Variants in ITGA8 observed in about 807,000 individuals in gnomAD.
ITGA8 encodes integrin subunit alpha 8.
ITGA8 carries 91 observed loss-of-function variants against 142.3 expected under a neutral mutation model. The ratio of observed to expected loss-of-function variants is 0.64; its 90% CI spans 0.54 to 0.76. The LOEUF (loss-of-function observed/expected upper bound fraction) is 0.76, where lower values mean the gene tolerates loss of function less well. Among genes scored for constraint, ITGA8 ranks in the 30% least tolerant of loss-of-function variants. ITGA8 has a pLI of 0.00. For synonymous variants in ITGA8, 505 were observed against 485.2 expected, an observed-to-expected ratio of 1.04 and a Z score of -0.54; for missense variants, 1,406 against 1,327.7, an observed-to-expected ratio of 1.06 and a Z score of -0.92.
At chr10:15,646,515 T>TA (rs1833983137) in intron 12 of ITGA8, among the ~76,000 whole-genome samples, 1 of 152,212 alleles carries the variant, frequency 6.6e-6, no homozygotes, top group South Asian at 2.1e-4. Flanking sequence ...ATGTTTCTGA[T>TA]AACCGAATGT....
At chr10:15,592,667 C>G (rs9333172) in intron 21 of ITGA8, among the ~76,000 whole-genome samples, 1 of 152,182 alleles carries the variant, frequency 6.6e-6, no homozygotes. Flanking sequence ...TGCATTAGTG[C>G]GAGCATGGCT....
At chr10:15,550,198 T>C (rs376345776) in intron 26 of ITGA8, among the ~76,000 whole-genome samples, 7 of 152,204 alleles carry the variant, frequency 4.6e-5, no homozygotes, top group Non-Finnish European at 7.3e-5. Context: ...AGATGTGCCT[T>C]CTGCCTTTCA....
At chr10:15,706,866 A>G (rs561785410) in intron 2 of ITGA8, among the ~76,000 whole-genome samples, 39 of 152,314 alleles carry the variant, frequency 2.6e-4, no homozygotes, top group African/African-American at 8.4e-4. Flanking sequence ...ATACTATACC[A>G]TCTTGCTTAT....
chr10:15,572,838 C>G (rs529490533), intron 24 of ITGA8, among the ~76,000 whole-genome samples: 1 of 152,254 alleles, frequency 6.6e-6, no homozygotes, highest in African/African-American at 2.4e-5. Context: ...CATCAAGTGC[C>G]AAGGCGGGCC....
chr10:15,672,099 C>T lies in ITGA8; in HGVS notation c.803-452G>A, dbSNP rs142488488. Among the ~76,000 whole-genome samples, 6 of 152,236 alleles carry T rather than the reference C, an allele frequency of 3.9e-5. No individual in the cohort carries two copies. The East Asian group carries it at 9.7e-4, about 25-fold the overall frequency. Reference sequence around the variant, plus strand: ...CTTCCTAATACCTCATGATGGTTTTCCACAATTTAGTTTAGCTCTAAAGTG... The same window carrying T: ...CTTCCTAATACCTCATGATGGTTTTTCACAATTTAGTTTAGCTCTAAAGTG... On this transcript the variant is annotated intron_variant, in intron 7 of 29. Coordinates refer to ENST00000378076, the MANE Select transcript of ITGA8 (RefSeq NM_003638.3).
chr10:15,560,518 T>G (rs1564351818), intron 25 of ITGA8, among the ~76,000 whole-genome samples: 1 of 152,348 alleles, frequency 6.6e-6, no homozygotes, highest in Non-Finnish European at 1.5e-5. Context: ...TATTGATGTT[T>G]GTAGCAACAC....
intron 28 of ITGA8, among the ~76,000 whole-genome samples, chr10:15,522,268 T>C (rs968429058): frequency 6.6e-6 from 1 of 152,228 alleles, no homozygotes; most frequent in African/African-American, 2.4e-5. Context: ...TACAGCTACA[T>C]GAGCAAATCA....
At position 15,571,138 on chromosome 10, in the gene ITGA8, G is replaced by A. The variant is rs111361300; in HGVS notation, c.2637+1073C>T. On this transcript the variant is annotated intron_variant, in intron 25 of 29. Transcript: ENST00000378076. Reference sequence around the variant, plus strand: ...CCTTATGTATAATTTCTACATAAAGGAGGAGGCTGTTGTCTCATAAGTCCT... The same window carrying A: ...CCTTATGTATAATTTCTACATAAAGAAGGAGGCTGTTGTCTCATAAGTCCT... Among the ~76,000 whole-genome samples the A allele has an allele frequency of 4.2e-3, 642 of 152,254 alleles. 5 individuals are homozygous for A. Among genetic ancestry groups the A allele is most frequent in the African/African-American group, 0.014 (597 of 41,552 alleles).
chr10:15,585,442 G>GC (rs1437383435), intron 23 of ITGA8, among the ~76,000 whole-genome samples: 1 of 152,154 alleles, frequency 6.6e-6, no homozygotes, highest in African/African-American at 2.4e-5. Flanking sequence ...GCTAGGGGGC[G>GC]CCCCAGCGGC....
intron 27 of ITGA8, among the ~76,000 whole-genome samples, chr10:15,538,462 A>C (rs937226200): frequency 6.8e-6 from 1 of 145,986 alleles, no homozygotes; most frequent in African/African-American, 2.5e-5. Flanking sequence ...CAGTGAGCTG[A>C]GATCATGCCA....
intron 22 of ITGA8, among the ~76,000 whole-genome samples, chr10:15,589,888 G>C (rs1165215795): frequency 6.6e-6 from 1 of 151,334 alleles, no homozygotes; most frequent in African/African-American, 2.4e-5. Context: ...TCAGCCTCCA[G>C]AGAAGCTGGG....
At chr10:15,581,446 T>C (rs1387768766) in intron 23 of ITGA8, among the ~76,000 whole-genome samples, 1 of 152,220 alleles carries the variant, frequency 6.6e-6, no homozygotes, top group African/African-American at 2.4e-5. Flanking sequence ...TTAATGTCTC[T>C]TCTCCCTGTA....
In ITGA8 at chr10:15,701,302, G is replaced by A. The variant is rs144431383; in HGVS notation, c.344-13264C>T. On this transcript the variant is annotated intron_variant, in intron 2 of 29. Transcript: ENST00000378076. Reference sequence around the variant, plus strand: ...TTTTCATGGAGTATATTTCTGAATCGTTTGAGCCTTTACCATGAGTATTAG... The same window carrying A: ...TTTTCATGGAGTATATTTCTGAATCATTTGAGCCTTTACCATGAGTATTAG... Among the ~76,000 whole-genome samples the A allele has an allele frequency of 4.9e-4, 75 of 152,206 alleles. No individual in the cohort carries two copies. In the East Asian group the frequency reaches 0.012, roughly 25 times the overall value.
rs1833915823 is a variant in ITGA8, at chr10:15,558,116, T to C, written c.2724A>G (p.Val908=). ...TIPHLVRKRD[V]HVVEFHRQSP... Reference sequence around the variant, plus strand: ...TCTGTCTGTGGAATTCGACCACATGTACATCCCTCTTCCTGACAAGATGAG... The same window carrying C: ...TCTGTCTGTGGAATTCGACCACATGCACATCCCTCTTCCTGACAAGATGAG... The change falls in exon 26 of 30, where the codon GTA becomes GTG. Residue 908 remains valine (V), a synonymous_variant. Coordinates refer to ENST00000378076, the MANE Select transcript of ITGA8 (RefSeq NM_003638.3). The C allele has an allele frequency of 1.9e-6, 3 of 1,614,206 alleles. No individual in the cohort carries two copies. The highest frequency in any genetic ancestry group is 2.5e-6 in the Non-Finnish European group (3 of 1,180,046).
At chr10:15,607,955 A>G in intron 16 of ITGA8, 124 bp from the exon 17 acceptor site, 4 of 797,474 alleles carry the variant, frequency 5.0e-6, no homozygotes, top group Non-Finnish European at 7.9e-6. Context: ...GAGACCAAGC[A>G]TGATAAATGA....
intron 18 of ITGA8, 23 bp downstream of exon 18, chr10:15,606,262 G>A (rs369443838): frequency 3.7e-5 from 59 of 1,578,532 alleles, no homozygotes; most frequent in African/African-American, 8.1e-5. Context: ...AGAAAATGCC[G>A]TCAAAGACTG....
Position 15,719,776 on chromosome 10 carries a change from CTCCG to C in ITGA8, c.-9_-6del. ...GCGGCTGGCCCCGGGCGACATCTCC[CTCCG>C]CCCCGGTGGGTGGCTGCTACCCAGG... On this transcript the variant is annotated 5_prime_UTR_variant, in exon 1 of 30. Coordinates refer to ENST00000378076, the MANE Select transcript of ITGA8 (RefSeq NM_003638.3). The C allele has an allele frequency of 7.7e-7, 1 of 1,297,558 alleles. No homozygotes were observed. The highest frequency in any genetic ancestry group is 9.7e-7 in the Non-Finnish European group (1 of 1,029,270). 80.4% of individuals were successfully genotyped at this position (1,297,558 alleles called of 1,614,324 possible). A position where few individuals can be genotyped will look rare whatever the true frequency, so the allele number is the denominator to read the frequency against.
intron 8 of ITGA8, among the ~76,000 whole-genome samples, chr10:15,664,516 A>T (rs557193107): frequency 1.3e-3 from 119 of 92,972 alleles, no homozygotes; most frequent in African/African-American, 3.7e-3. Context: ...TTTTTTTTCC[A>T]CATTTTATTA....
At chr10:15,671,058 G>A (rs1834506094) in intron 8 of ITGA8, among the ~76,000 whole-genome samples, 1 of 152,146 alleles carries the variant, frequency 6.6e-6, no homozygotes, top group Non-Finnish European at 1.5e-5. Flanking sequence ...GGTATTCTGT[G>A]TTCATTATTT....
Sources: gnomAD v4.1 joint callset for allele counts (sites outside exome capture counted in the v4.1 genomes callset) on GRCh38, gnomAD v4.1.1 for gene constraint, MANE v1.5 for transcripts, NCBI Gene and HGNC (gene_info 2026-07-23, HGNC 2026-07-21) for gene names.